NAV3: variants seen among roughly 807,000 people sequenced by gnomAD.
NAV3 encodes neuron navigator 3.
A neutral mutation model predicts 244.7 loss-of-function variants in NAV3; 87 were observed. The observed-to-expected ratio is 0.36, with a 90% CI of 0.30 to 0.42. The LOEUF is 0.42. Among genes scored for constraint, NAV3 ranks in the 20% least tolerant of loss-of-function variants. The pLI, the probability that NAV3 is intolerant of heterozygous loss-of-function variation, is 1.00. For synonymous variants in NAV3, 1,126 were observed against 1,042.2 expected, an observed-to-expected ratio of 1.08 and a Z score of -1.55; for missense variants, 2,663 against 2,893.3, an observed-to-expected ratio of 0.92 and a Z score of 1.83.
At chr12:77,993,341 G>C (rs752817336) in intron 5 of NAV3, among the ~76,000 whole-genome samples, 1 of 152,094 alleles carries the variant, frequency 6.6e-6, no homozygotes, top group African/African-American at 2.4e-5. Flanking sequence ...TTTCACAAAA[G>C]GCTTTTCCTC....
intron 2 of NAV3, among the ~76,000 whole-genome samples, chr12:77,776,653 A>G (rs1478283350): frequency 6.6e-6 from 1 of 152,192 alleles, no homozygotes; most frequent in Non-Finnish European, 1.5e-5. Context: ...TCATTGTACC[A>G]CTGACAAACA....
In NAV3 at chr12:77,981,780, T is replaced by A. The variant is rs139289186; in HGVS notation, c.672-13023T>A. Among the ~76,000 whole-genome samples, 238 of 152,234 alleles carry A rather than the reference T, an allele frequency of 1.6e-3. 6 individuals are homozygous for A. The South Asian group carries it at 0.038, about 25-fold the overall frequency. On this transcript the variant is annotated intron_variant, in intron 5 of 39. Transcript: ENST00000397909. Reference sequence around the variant, plus strand: ...ATTTTATACTCTGAGTTTTGTTTCTTTATATTCCTCTTTGTTTCCTTGTGA... The same window carrying A: ...ATTTTATACTCTGAGTTTTGTTTCTATATATTCCTCTTTGTTTCCTTGTGA...
intron 12 of NAV3, among the ~76,000 whole-genome samples, chr12:78,097,405 T>C (rs1456574127): frequency 1.3e-5 from 2 of 152,200 alleles, no homozygotes; most frequent in Non-Finnish European, 2.9e-5. Flanking sequence ...AAGTTTTCAA[T>C]GTTACTGCTG....
At chr12:77,645,269 A>ATT (rs151191774) in intron 2 of NAV3, among the ~76,000 whole-genome samples, 15 of 150,656 alleles carry the variant, frequency 1.0e-4, no homozygotes, top group Admixed American at 8.6e-4. Context: ...AAATCTTATG[A>ATT]TTTTTTTTTT....
rs1875056297 is a variant in NAV3, at chr12:77,692,011, C to A, written c.72+119745C>A. Among the ~76,000 whole-genome samples, 2 of 151,914 alleles carry A rather than the reference C, an allele frequency of 1.3e-5. 1 individual carries two copies. ...CCTATGGCATCACCATTAGCAATGA[C>A]ATTATATGTTTATCCGTGGATGCCA... On this transcript the variant is annotated intron_variant, in intron 2 of 8. Transcript: ENST00000550042.
At chr12:77,929,120 A>G (rs994782152) in intron 1 of NAV3, among the ~76,000 whole-genome samples, 2 of 152,202 alleles carry the variant, frequency 1.3e-5, no homozygotes, top group Non-Finnish European at 2.9e-5. Flanking sequence ...AATGTAGTTT[A>G]TTCATTTTGT....
chr12:77,705,911 A>G (rs1875777568), intron 2 of NAV3, among the ~76,000 whole-genome samples: 1 of 151,396 alleles, frequency 6.6e-6, no homozygotes, highest in Non-Finnish European at 1.5e-5. Context: ...TCTGATTGCA[A>G]GTTGCATATT....
chr12:78,159,613 G>A (rs1957443195), intron 23 of NAV3, among the ~76,000 whole-genome samples: 1 of 151,812 alleles, frequency 6.6e-6, no homozygotes, highest in African/African-American at 2.4e-5. Flanking sequence ...AGGACGCAGT[G>A]AGCCAAGATC....
At chr12:77,751,635 G>T (rs116669862) in intron 2 of NAV3, among the ~76,000 whole-genome samples, 1 of 152,060 alleles carries the variant, frequency 6.6e-6, no homozygotes, top group African/African-American at 2.4e-5. Flanking sequence ...ATGCCTAACT[G>T]TGAATCAATT....
intron 20 of NAV3, among the ~76,000 whole-genome samples, chr12:78,144,856 G>A (rs1217821894): frequency 7.2e-6 from 1 of 139,712 alleles, no homozygotes; most frequent in Non-Finnish European, 1.5e-5. Context: ...GGCACGGTGG[G>A]CTACAGTGAG....
intron 34 of NAV3, among the ~76,000 whole-genome samples, chr12:78,192,595 T>A (rs1182844458): frequency 1.3e-5 from 2 of 151,592 alleles, no homozygotes; most frequent in Non-Finnish European, 1.5e-5. Flanking sequence ...TTATTTTTAG[T>A]AGAGACGGGG....
intron 2 of NAV3, among the ~76,000 whole-genome samples, chr12:77,746,091 A>G (rs1490785036): frequency 6.6e-6 from 1 of 152,020 alleles, no homozygotes; most frequent in Non-Finnish European, 1.5e-5. Context: ...CTGTATTAAA[A>G]TAGCAGTCGA....
chr12:78,126,087 A>T (rs1016131931), intron 16 of NAV3, among the ~76,000 whole-genome samples: 1 of 152,172 alleles, frequency 6.6e-6, no homozygotes, highest in Non-Finnish European at 1.5e-5. Flanking sequence ...TAGTCAACAT[A>T]TATACTGTAA....
At chr12:77,995,891 T>A (rs1391135549) in intron 6 of NAV3, among the ~76,000 whole-genome samples, 1 of 152,188 alleles carries the variant, frequency 6.6e-6, no homozygotes, top group South Asian at 2.1e-4. Flanking sequence ...TTTTAAGTAC[T>A]GTATTTTGAT....
intron 1 of NAV3, among the ~76,000 whole-genome samples, chr12:77,932,801 C>T (rs548590096): frequency 6.6e-6 from 1 of 152,222 alleles, no homozygotes; most frequent in East Asian, 1.9e-4. Flanking sequence ...TTTGCCCAAC[C>T]CTTACCTGAT....
chr12:78,170,091 G>T (rs1957941281), intron 24 of NAV3, among the ~76,000 whole-genome samples: 1 of 151,588 alleles, frequency 6.6e-6, no homozygotes, highest in South Asian at 2.1e-4. Context: ...GCTAATAACT[G>T]TCAAATCTAG....
chr12:78,068,492 C>A (rs1191045430), intron 12 of NAV3, among the ~76,000 whole-genome samples: 1 of 150,358 alleles, frequency 6.7e-6, no homozygotes, highest in East Asian at 1.9e-4. Flanking sequence ...GTCAATAGAT[C>A]TTAAAACACA....
chr12:77,910,092 G>A (rs1487181518), intron 1 of NAV3, among the ~76,000 whole-genome samples: 1 of 151,946 alleles, frequency 6.6e-6, no homozygotes, highest in African/African-American at 2.4e-5. Flanking sequence ...AGGAAATTTG[G>A]GTATTCTTAT....
intron 8 of NAV3, among the ~76,000 whole-genome samples, chr12:78,015,362 T>A (rs1192185828): frequency 6.6e-6 from 1 of 152,096 alleles, no homozygotes; most frequent in African/African-American, 2.4e-5. Context: ...TGAATATCCC[T>A]CAATCTGGAA....
Sources: allele counts gnomAD v4.1 joint callset (sites outside exome capture counted in the v4.1 genomes callset), GRCh38; gene constraint gnomAD v4.1.1; transcripts MANE v1.5; gene names NCBI Gene and HGNC (gene_info 2026-07-23, HGNC 2026-07-21).